Variants in TRABD2B observed in about 807,000 individuals in gnomAD.
TRABD2B encodes the protein metalloprotease TIKI2.
TRABD2B carries 14 observed loss-of-function variants against 40.1 expected under a neutral mutation model. The ratio of observed to expected loss-of-function variants is 0.35; its 90% CI spans 0.23 to 0.55. The LOEUF is 0.55. Among genes scored for constraint, TRABD2B ranks in the 20% least tolerant of loss-of-function variants. The probability of loss-of-function intolerance (pLI) is 0.90; values close to 1 mark genes in which losing one functional copy is unlikely to be tolerated. For missense variants in TRABD2B, 541 were observed against 648.6 expected (o/e 0.83, Z 1.80); for synonymous variants, 263 against 277.0 (o/e 0.95, Z 0.50).
At position 47,762,860 on chromosome 1, in the gene TRABD2B, G is replaced by A. The variant is rs972769559; in HGVS notation, c.*3042C>T. The stretch of plus-strand genomic sequence containing the variant: ...TGGCCATTCCAACATGCCCCAGAGA[G>A]CCCTTCATCACACAGTCAGCTTTCG... On this transcript the variant is annotated 3_prime_UTR_variant, in exon 7 of 7. Transcript: ENST00000606738. 6.6e-6 allele frequency: 1 copy of A among 152,164 alleles called. No homozygotes were observed. Among genetic ancestry groups the A allele is most frequent in the Admixed American group, 6.5e-5 (1 of 15,274 alleles). 9.4% of individuals were successfully genotyped at this position (152,164 alleles called of 1,614,324 possible).
At chr1:47,848,690 A>G (rs571933683) in intron 2 of TRABD2B, among the ~76,000 whole-genome samples, 1 of 152,324 alleles carries the variant, frequency 6.6e-6, no homozygotes, top group South Asian at 2.1e-4. Context: ...GTAACCTGGA[A>G]GGGCAGGGAA....
At chr1:47,782,410 T>G (rs1295890184) in intron 4 of TRABD2B, among the ~76,000 whole-genome samples, 3 of 152,170 alleles carry the variant, frequency 2.0e-5, no homozygotes, top group Non-Finnish European at 2.9e-5. Context: ...GAGCTGACTT[T>G]GTCAGAACGT....
chr1:47,853,750 T>A (rs574027964), intron 2 of TRABD2B, among the ~76,000 whole-genome samples: 11 of 152,198 alleles, frequency 7.2e-5, no homozygotes, highest in Non-Finnish European at 1.3e-4. Context: ...TCTTCTCAGC[T>A]GTCACTGGCC....
chr1:47,845,810 T>C (rs139461482), intron 2 of TRABD2B, among the ~76,000 whole-genome samples: 39 of 152,350 alleles, frequency 2.6e-4, no homozygotes, highest in African/African-American at 9.1e-4. Context: ...TACCTCCTAA[T>C]GTGTTTAGTC....
Position 47,854,519 on chromosome 1 carries a change from T to C in TRABD2B, c.667-52900A>G, listed in dbSNP as rs1643871871. Among the ~76,000 whole-genome samples, 3 of 152,240 alleles carry C rather than the reference T, an allele frequency of 2.0e-5. No homozygotes were observed. In the South Asian group the frequency reaches 6.2e-4, roughly 31 times the overall value. Reference sequence around the variant, plus strand: ...CAATGAAACTAAATCACTTTGCTAATTGCCTGGAATAAGTCATAGTCCTCT... The same window carrying C: ...CAATGAAACTAAATCACTTTGCTAACTGCCTGGAATAAGTCATAGTCCTCT... On this transcript the variant is annotated intron_variant, in intron 2 of 6. Transcript: ENST00000606738.
At chr1:47,861,801 A>G (rs1230763043) in intron 2 of TRABD2B, among the ~76,000 whole-genome samples, 1 of 152,180 alleles carries the variant, frequency 6.6e-6, no homozygotes, top group Non-Finnish European at 1.5e-5. Flanking sequence ...CCAGACAAAG[A>G]CATTACAGGA....
At chr1:47,853,926 G>A (rs950948073) in intron 2 of TRABD2B, among the ~76,000 whole-genome samples, 1 of 151,992 alleles carries the variant, frequency 6.6e-6, no homozygotes, top group Non-Finnish European at 1.5e-5. Flanking sequence ...CCTTGCAATG[G>A]CTCCCACTGC....
intron 2 of TRABD2B, among the ~76,000 whole-genome samples, chr1:47,877,035 CA>C (rs1553161159): frequency 6.6e-6 from 1 of 152,076 alleles, no homozygotes; most frequent in Non-Finnish European, 1.5e-5. Flanking sequence ...ATAAACATTG[CA>C]AATTGTGATA....
chr1:47,863,970 T>C (rs577634033), intron 2 of TRABD2B, among the ~76,000 whole-genome samples: 4 of 152,272 alleles, frequency 2.6e-5, no homozygotes, highest in African/African-American at 9.6e-5. Flanking sequence ...CTGAAATGCA[T>C]TATTACTAAG....
intron 4 of TRABD2B, among the ~76,000 whole-genome samples, chr1:47,781,961 G>C (rs961842241): frequency 8.5e-5 from 13 of 152,158 alleles, no homozygotes; most frequent in Non-Finnish European, 8.8e-5. Context: ...TCCTGTTGGT[G>C]GGCTCCTCTT....
intron 2 of TRABD2B, among the ~76,000 whole-genome samples, chr1:47,843,406 C>G (rs1218046421): frequency 6.6e-6 from 1 of 152,046 alleles, no homozygotes; most frequent in Non-Finnish European, 1.5e-5. Context: ...GGACGTAGGG[C>G]GAGAGCAAGA....
intron 2 of TRABD2B, among the ~76,000 whole-genome samples, chr1:47,901,756 T>C (rs1644603284): frequency 6.6e-6 from 1 of 152,194 alleles, no homozygotes; most frequent in Non-Finnish European, 1.5e-5. Context: ...CAGGCAGGTC[T>C]GTGTCCTCAA....
chr1:47,991,212 C>A (rs1229533490), intron 2 of TRABD2B, among the ~76,000 whole-genome samples: 1 of 152,118 alleles, frequency 6.6e-6, no homozygotes, highest in East Asian at 1.9e-4. Flanking sequence ...AGTCATTCAA[C>A]ATTTCTGGAT....
intron 2 of TRABD2B, among the ~76,000 whole-genome samples, chr1:47,929,127 T>A (rs1645006975): frequency 6.6e-6 from 1 of 152,212 alleles, no homozygotes; most frequent in African/African-American, 2.4e-5. Flanking sequence ...TCAGCCTAGA[T>A]GTTAATTTAG....
chr1:47,780,631 G>A (rs1310301540), intron 4 of TRABD2B, among the ~76,000 whole-genome samples: 1 of 152,176 alleles, frequency 6.6e-6, no homozygotes, highest in Non-Finnish European at 1.5e-5. Context: ...TTCCTGGAGG[G>A]GGCACTGCTA....
chr1:47,777,912 C>T (rs1032424399), intron 5 of TRABD2B, among the ~76,000 whole-genome samples: 8 of 152,192 alleles, frequency 5.3e-5, no homozygotes, highest in African/African-American at 1.9e-4. Flanking sequence ...GTTGGAAGAC[C>T]TGGCAGGAAT....
chr1:47,853,390 T>A (rs950603850), intron 2 of TRABD2B, among the ~76,000 whole-genome samples: 2 of 152,224 alleles, frequency 1.3e-5, no homozygotes, highest in Non-Finnish European at 2.9e-5. Flanking sequence ...TGCCTCCCAC[T>A]GCCCAGAATC....
chr1:47,779,289 C>G (rs1481129833), intron 4 of TRABD2B, among the ~76,000 whole-genome samples: 3 of 152,172 alleles, frequency 2.0e-5, no homozygotes, highest in Non-Finnish European at 2.9e-5. Context: ...GCCTGGCAGA[C>G]AGTGACGGTC....
At chr1:47,964,060 T>A (rs1446567120) in intron 2 of TRABD2B, among the ~76,000 whole-genome samples, 1 of 152,146 alleles carries the variant, frequency 6.6e-6, no homozygotes, top group Non-Finnish European at 1.5e-5. Context: ...GTTGTTTTTT[T>A]CCCCCTACAT....
Sources: allele counts gnomAD v4.1 joint callset (sites outside exome capture counted in the v4.1 genomes callset), GRCh38; gene constraint gnomAD v4.1.1; transcripts MANE v1.5; gene names NCBI Gene and HGNC (gene_info 2026-07-23, HGNC 2026-07-21).